Variants in PELI2 observed in about 807,000 individuals in gnomAD.
PELI2 encodes E3 ubiquitin-protein ligase pellino homolog 2.
PELI2 carries 23 observed loss-of-function variants against 42.3 expected under a neutral mutation model. That is an observed-to-expected ratio of 0.54 (90% CI 0.39 to 0.77). PELI2 has a LOEUF of 0.77. PELI2 is among the 30% of genes least tolerant of loss of function. The pLI, the probability that PELI2 is intolerant of heterozygous loss-of-function variation, is 0.00. For synonymous variants in PELI2, 245 were observed against 212.2 expected, an observed-to-expected ratio of 1.15 and a Z score of -1.34; for missense variants, 463 against 553.2, an observed-to-expected ratio of 0.84 and a Z score of 1.64.
rs557894615 is a variant in PELI2, at chr14:56,290,361, G to A, written c.601G>A (p.Glu201Lys). The A allele has an allele frequency of 1.1e-5, 17 of 1,613,816 alleles. No individual in the cohort carries two copies. The highest frequency in any genetic ancestry group is 8.9e-5 in the East Asian group (4 of 44,868). Reference protein sequence around the residue: ...LVMHPRGGFTEESQPGVWREI... With the variant: ...LVMHPRGGFTKESQPGVWREI... ...GATGCATCCACGAGGGGGCTTCACC[G>A]AGGAGTCCCAGCCCGGGGTCTGGCG... Residue 201 changes from glutamate (E) to lysine (K), a missense_variant, in exon 5 of 6, where the codon GAG becomes AAG. Physicochemically the swap from Glu to Lys is moderately conservative, Grantham distance 56. Transcript: ENST00000267460.
At chr14:56,214,347 C>CT (rs1886823001) in intron 2 of PELI2, among the ~76,000 whole-genome samples, 1 of 152,144 alleles carries the variant, frequency 6.6e-6, no homozygotes, top group Non-Finnish European at 1.5e-5. Flanking sequence ...AATGATGCTA[C>CT]TTTTTTGCTC....
At chr14:56,235,327 TC>T (rs1219678939) in intron 2 of PELI2, among the ~76,000 whole-genome samples, 1 of 152,108 alleles carries the variant, frequency 6.6e-6, no homozygotes, top group Non-Finnish European at 1.5e-5. Flanking sequence ...TCAAGATATA[TC>T]CCCCCAAAAT....
intron 1 of PELI2, among the ~76,000 whole-genome samples, chr14:56,130,321 T>A (rs1883438940): frequency 6.6e-6 from 1 of 152,302 alleles, no homozygotes; most frequent in East Asian, 1.9e-4. Flanking sequence ...TCGTGATGCT[T>A]GAGAAGCTTG....
intron 2 of PELI2, among the ~76,000 whole-genome samples, chr14:56,198,053 T>C (rs1179187946): frequency 6.6e-6 from 1 of 151,180 alleles, no homozygotes; most frequent in South Asian, 2.1e-4. Context: ...CCCTGACTAA[T>C]ACAACTAGGA....
At chr14:56,232,843 TG>T (rs1247086306) in intron 2 of PELI2, among the ~76,000 whole-genome samples, 4 of 150,390 alleles carry the variant, frequency 2.7e-5, no homozygotes. Context: ...ATGACATGAT[TG>T]TCTATTTAGA....
chr14:56,230,815 A>G (rs1192984230), intron 2 of PELI2, among the ~76,000 whole-genome samples: 1 of 152,260 alleles, frequency 6.6e-6, no homozygotes, highest in Non-Finnish European at 1.5e-5. Context: ...CAAATTGGAT[A>G]AAGAGTCAAG....
At chr14:56,267,066 C>T (rs1406113322) in intron 2 of PELI2, among the ~76,000 whole-genome samples, 3 of 152,010 alleles carry the variant, frequency 2.0e-5, no homozygotes, top group Non-Finnish European at 4.4e-5. Context: ...TAGTGGCTTT[C>T]TTAGTGATAG....
intron 1 of PELI2, among the ~76,000 whole-genome samples, chr14:56,149,263 C>T (rs527569023): frequency 5.9e-5 from 9 of 152,280 alleles, no homozygotes; most frequent in East Asian, 1.9e-4. Flanking sequence ...AAGCTTTAAA[C>T]CTCATATCCA....
At chr14:56,238,715 G>A (rs902286970) in intron 2 of PELI2, among the ~76,000 whole-genome samples, 1 of 152,102 alleles carries the variant, frequency 6.6e-6, no homozygotes, top group African/African-American at 2.4e-5. Context: ...AAGATAGTTC[G>A]TGAAACTAAT....
intron 5 of PELI2, among the ~76,000 whole-genome samples, chr14:56,292,260 T>C (rs1889853356): frequency 6.6e-6 from 1 of 152,230 alleles, no homozygotes; most frequent in African/African-American, 2.4e-5. Flanking sequence ...TAGCATCCGA[T>C]TAACCTGGCC....
intron 2 of PELI2, among the ~76,000 whole-genome samples, chr14:56,239,100 T>C (rs1887890275): frequency 6.6e-6 from 1 of 152,238 alleles, no homozygotes; most frequent in Admixed American, 6.5e-5. Flanking sequence ...TATGTGTTAG[T>C]GAACTGGAGA....
chr14:56,146,827 AC>A (rs1884143432), intron 1 of PELI2, among the ~76,000 whole-genome samples: 2 of 151,418 alleles, frequency 1.3e-5, no homozygotes, highest in Non-Finnish European at 2.9e-5. Flanking sequence ...TATATGCCAT[AC>A]CTCACCTACT....
At chr14:56,161,607 C>T (rs1884768068) in intron 1 of PELI2, among the ~76,000 whole-genome samples, 1 of 152,208 alleles carries the variant, frequency 6.6e-6, no homozygotes, top group Admixed American at 6.5e-5. Flanking sequence ...ACTATCTTGC[C>T]TACCTGGCTG....
At chr14:56,138,622 T>C (rs1399318467) in intron 1 of PELI2, among the ~76,000 whole-genome samples, 1 of 152,250 alleles carries the variant, frequency 6.6e-6, no homozygotes, top group African/African-American at 2.4e-5. Flanking sequence ...AAAAGTCAGA[T>C]CTACGATTAG....
chr14:56,249,414 C>T (rs756070867), intron 2 of PELI2, among the ~76,000 whole-genome samples: 3 of 152,142 alleles, frequency 2.0e-5, no homozygotes, highest in Non-Finnish European at 2.9e-5. Context: ...CCTCTCCTCC[C>T]CCAGATAACG....
At chr14:56,195,523 C>G (rs970117145) in intron 2 of PELI2, among the ~76,000 whole-genome samples, 13 of 152,104 alleles carry the variant, frequency 8.5e-5, no homozygotes, top group Non-Finnish European at 1.6e-4. Flanking sequence ...TTTTAATGGC[C>G]GTAAAACAGA....
intron 2 of PELI2, among the ~76,000 whole-genome samples, chr14:56,221,502 A>G (rs1417134459): frequency 6.6e-6 from 1 of 152,226 alleles, no homozygotes; most frequent in Admixed American, 6.5e-5. Context: ...GAAGACTTGT[A>G]TTTGCCAGAT....
At chr14:56,277,489 T>C (rs1202023978) in intron 2 of PELI2, among the ~76,000 whole-genome samples, 1 of 151,650 alleles carries the variant, frequency 6.6e-6, no homozygotes, top group Non-Finnish European at 1.5e-5. Flanking sequence ...TTATGGTGAG[T>C]TGCATAATTA....
At chr14:56,152,285 T>C (rs1218563992) in intron 1 of PELI2, among the ~76,000 whole-genome samples, 1 of 152,194 alleles carries the variant, frequency 6.6e-6, no homozygotes, top group East Asian at 1.9e-4. Context: ...TTGTATATCC[T>C]TTCTTATTCA....
Sources: gnomAD v4.1 joint callset for allele counts (sites outside exome capture counted in the v4.1 genomes callset) on GRCh38, gnomAD v4.1.1 for gene constraint, MANE v1.5 for transcripts, NCBI Gene and HGNC (gene_info 2026-07-23, HGNC 2026-07-21) for gene names.